The following FTO variants were observed in gnomAD, a reference collection of about 807,000 sequenced individuals.
FTO encodes alpha-ketoglutarate-dependent dioxygenase FTO.
Under a neutral mutation model 63.9 loss-of-function variants are expected in FTO, and 47 were observed. The ratio of observed to expected loss-of-function variants is 0.74; its 90% CI spans 0.58 to 0.94. The LOEUF is 0.94. Among genes scored for constraint, FTO ranks in the 40% least tolerant of loss-of-function variants. FTO has a pLI of 0.00. For missense variants in FTO, 562 were observed against 618.1 expected, an observed-to-expected ratio of 0.91 and a Z score of 0.96; for synonymous variants, 207 against 224.4, an observed-to-expected ratio of 0.92 and a Z score of 0.69.
chr16:53,798,687 C>T (rs957477333), intron 1 of FTO, among the ~76,000 whole-genome samples: 5 of 152,022 alleles, frequency 3.3e-5, no homozygotes, highest in East Asian at 1.9e-4. Flanking sequence ...ATGCTTATGT[C>T]GTATTTAAAT....
At chr16:54,018,807 G>A (rs1317787823) in intron 8 of FTO, among the ~76,000 whole-genome samples, 1 of 152,308 alleles carries the variant, frequency 6.6e-6, no homozygotes, top group Non-Finnish European at 1.5e-5. Flanking sequence ...GTGGAACTGA[G>A]TCAATTAAAC....
intron 8 of FTO, among the ~76,000 whole-genome samples, chr16:54,011,637 C>T (rs1260130516): frequency 6.6e-6 from 1 of 152,154 alleles, no homozygotes; most frequent in Admixed American, 6.5e-5. Context: ...CATGTGCTCA[C>T]TTCGTGTCTC....
At chr16:53,954,864 G>A (rs1303731300) in intron 8 of FTO, among the ~76,000 whole-genome samples, 1 of 151,860 alleles carries the variant, frequency 6.6e-6, no homozygotes, top group Non-Finnish European at 1.5e-5. Context: ...ACGTGGCCAA[G>A]CAGAAGCAAG....
chr16:53,974,785 G>A (rs1487995500), intron 8 of FTO, among the ~76,000 whole-genome samples: 2 of 151,306 alleles, frequency 1.3e-5, no homozygotes, highest in Non-Finnish European at 2.9e-5. Flanking sequence ...GAGTTGCAAA[G>A]AGAGTTTTGA....
At chr16:53,928,721 T>C (rs1214228171) in intron 7 of FTO, among the ~76,000 whole-genome samples, 5 of 152,222 alleles carry the variant, frequency 3.3e-5, no homozygotes, top group African/African-American at 7.2e-5. Context: ...GCATTCTTTC[T>C]TGTTTTAAAA....
chr16:53,847,604 C>A (rs1039688047), intron 4 of FTO, among the ~76,000 whole-genome samples: 1 of 151,900 alleles, frequency 6.6e-6, no homozygotes, highest in Admixed American at 6.6e-5. Context: ...CCTGTCACTA[C>A]TAAAAATACA....
At chr16:54,092,888 G>A (rs1202430524) in intron 8 of FTO, among the ~76,000 whole-genome samples, 1 of 152,208 alleles carries the variant, frequency 6.6e-6, no homozygotes, top group Non-Finnish European at 1.5e-5. Context: ...GACTGCAGAG[G>A]TCATGGGATT....
chr16:53,798,500 A>G (rs1407728369), intron 1 of FTO, among the ~76,000 whole-genome samples: 1 of 152,126 alleles, frequency 6.6e-6, no homozygotes, highest in Non-Finnish European at 1.5e-5. Context: ...TGTCCAGTTT[A>G]TCTCTGAGTA....
At chr16:53,758,861 T>G (rs1232781033) in intron 1 of FTO, among the ~76,000 whole-genome samples, 7 of 152,198 alleles carry the variant, frequency 4.6e-5, no homozygotes, top group Non-Finnish European at 1.0e-4. Flanking sequence ...GTTAATTTTG[T>G]TAGTTGTGAT....
chr16:54,075,103 G>A (rs375360023), intron 8 of FTO, among the ~76,000 whole-genome samples: 19 of 152,026 alleles, frequency 1.2e-4, no homozygotes, highest in African/African-American at 2.2e-4. Context: ...TGTTCATGTC[G>A]TTTGCCCATT....
chr16:54,095,749 G>A (rs187502837), intron 8 of FTO, among the ~76,000 whole-genome samples: 6 of 152,182 alleles, frequency 3.9e-5, no homozygotes, highest in East Asian at 1.9e-4. Context: ...GCTGCCCCCC[G>A]CCTGGGACTC....
chr16:53,904,979 G>A (rs2081500180), intron 7 of FTO, among the ~76,000 whole-genome samples: 1 of 152,048 alleles, frequency 6.6e-6, no homozygotes, highest in Admixed American at 6.5e-5. Context: ...GGGGAACTGT[G>A]ATGACTGGGG....
intron 8 of FTO, among the ~76,000 whole-genome samples, chr16:53,942,871 G>A (rs764878748): frequency 2.1e-4 from 32 of 152,208 alleles, no homozygotes; most frequent in Admixed American, 1.2e-3. Context: ...CAGCTGGTTA[G>A]TTGGAAACTA....
At chr16:53,711,843 C>A (rs1195460187) in intron 1 of FTO, among the ~76,000 whole-genome samples, 1 of 152,170 alleles carries the variant, frequency 6.6e-6, no homozygotes, top group Non-Finnish European at 1.5e-5. Context: ...ATGTAACCTA[C>A]CGTTTTAAGT....
chr16:53,815,740 C>T (rs549794428), intron 2 of FTO, among the ~76,000 whole-genome samples: 2 of 149,406 alleles, frequency 1.3e-5, no homozygotes, highest in East Asian at 3.9e-4. Context: ...CCTCCGCTTC[C>T]CAGGTTCAAG....
chr16:54,009,858 T>C (rs974567422), intron 8 of FTO, among the ~76,000 whole-genome samples: 30 of 152,164 alleles, frequency 2.0e-4, no homozygotes, highest in Non-Finnish European at 4.1e-4. Context: ...CCTCAGTGCT[T>C]TGTGGCAAAA....
chr16:53,926,043 A>C (rs904021051), intron 7 of FTO, among the ~76,000 whole-genome samples: 5 of 152,138 alleles, frequency 3.3e-5, no homozygotes, highest in African/African-American at 9.7e-5. Context: ...GGAAATTCTT[A>C]GGGGTCCTTA....
At chr16:53,754,511 G>T (rs141070066) in intron 1 of FTO, among the ~76,000 whole-genome samples, 1 of 152,328 alleles carries the variant, frequency 6.6e-6, no homozygotes, top group African/African-American at 2.4e-5. Flanking sequence ...GGTGGCGGAT[G>T]CCTATAATCC....
At chr16:53,927,592 G>A (rs908790975) in intron 7 of FTO, among the ~76,000 whole-genome samples, 9 of 152,076 alleles carry the variant, frequency 5.9e-5, no homozygotes, top group Non-Finnish European at 1.3e-4. Context: ...AGAGCAAACC[G>A]AAGAGATGAG....
Sources: gnomAD v4.1 joint callset for allele counts (sites outside exome capture counted in the v4.1 genomes callset) on GRCh38, gnomAD v4.1.1 for gene constraint, MANE v1.5 for transcripts, NCBI Gene and HGNC (gene_info 2026-07-23, HGNC 2026-07-21) for gene names.